Variants in NPAS3 observed in about 807,000 individuals in gnomAD.
NPAS3 encodes neuronal PAS domain protein 3.
A neutral mutation model predicts 73.1 loss-of-function variants in NPAS3; 14 were observed. The observed-to-expected ratio is 0.19, with a 90% CI of 0.13 to 0.30. NPAS3 has a LOEUF of 0.30. NPAS3 is among the 10% of genes least tolerant of loss of function. The pLI, the probability that NPAS3 is intolerant of heterozygous loss-of-function variation, is 1.00. For synonymous variants in NPAS3, 620 were observed against 541.5 expected (o/e 1.14, Z -2.01); for missense variants, 1,096 against 1,250.0 (o/e 0.88, Z 1.86).
intron 3 of NPAS3, among the ~76,000 whole-genome samples, chr14:33,280,927 A>C: frequency 6.6e-6 from 1 of 152,198 alleles, no homozygotes; most frequent in Non-Finnish European, 1.5e-5. Flanking sequence ...AATTTACAAG[A>C]AGTGAAAGTA....
At chr14:32,963,503 G>T (rs2139242763) in intron 1 of NPAS3, among the ~76,000 whole-genome samples, 1 of 152,202 alleles carries the variant, frequency 6.6e-6, no homozygotes, top group Admixed American at 6.5e-5. Context: ...GGAATGGAGT[G>T]GGTATTCCCT....
intron 4 of NPAS3, among the ~76,000 whole-genome samples, chr14:33,554,287 C>T (rs2055253297): frequency 6.6e-6 from 1 of 152,152 alleles, no homozygotes; most frequent in Non-Finnish European, 1.5e-5. Context: ...TGCCGTTGTC[C>T]TAACGGAGTT....
intron 4 of NPAS3, among the ~76,000 whole-genome samples, chr14:33,370,817 C>T (rs1207592087): frequency 2.0e-5 from 3 of 152,132 alleles, no homozygotes; most frequent in African/African-American, 7.2e-5. Flanking sequence ...AGGATTTAAT[C>T]ATCACCACAA....
intron 4 of NPAS3, among the ~76,000 whole-genome samples, chr14:33,511,674 A>G (rs557755518): frequency 4.1e-4 from 62 of 152,186 alleles, no homozygotes; most frequent in African/African-American, 1.5e-3. Context: ...TAGGCAGTGA[A>G]CTCTGCCAAG....
chr14:33,782,500 G>A (rs547320956), intron 9 of NPAS3, among the ~76,000 whole-genome samples: 4 of 152,144 alleles, frequency 2.6e-5, no homozygotes, highest in African/African-American at 4.8e-5. Context: ...AATTTGTCTC[G>A]AGATATCCCT....
intron 3 of NPAS3, among the ~76,000 whole-genome samples, chr14:33,359,847 C>A (rs894523047): frequency 6.6e-6 from 1 of 152,154 alleles, no homozygotes; most frequent in African/African-American, 2.4e-5. Context: ...GGGCTTAATT[C>A]GTGAGCGACA....
chr14:33,110,506 A>G (rs979717701), intron 2 of NPAS3, among the ~76,000 whole-genome samples: 7 of 152,226 alleles, frequency 4.6e-5, no homozygotes, highest in Admixed American at 1.3e-4. Flanking sequence ...CTGTTTTACT[A>G]ACTTTTTGAA....
rs1419078888 is a variant in NPAS3 at position 33,314,371 on chromosome 14, A to G, written c.386-52815A>G. ...AGCTTTCATAGGAGCTACACAGACT[A>G]GGTATGTGACCTTGAGTGACTTAGC... On this transcript the variant is annotated intron_variant, in intron 3 of 11. Transcript: ENST00000356141. Among the ~76,000 whole-genome samples the G allele has an allele frequency of 3.9e-5, 6 of 152,056 alleles. No homozygotes were observed. In the East Asian group the frequency reaches 9.7e-4, roughly 24 times the overall value.
intron 2 of NPAS3, among the ~76,000 whole-genome samples, chr14:33,121,464 A>G (rs1157847727): frequency 6.6e-6 from 1 of 152,158 alleles, no homozygotes; most frequent in Non-Finnish European, 1.5e-5. Flanking sequence ...CCTTGAAGGC[A>G]TGACTCTTGT....
At chr14:33,122,769 G>A (rs763444976) in intron 2 of NPAS3, among the ~76,000 whole-genome samples, 7 of 152,116 alleles carry the variant, frequency 4.6e-5, no homozygotes, top group African/African-American at 1.7e-4. Context: ...GACTGAGATG[G>A]TTAAGGGGTC....
chr14:33,610,274 C>T (rs1473983772), intron 5 of NPAS3, among the ~76,000 whole-genome samples: 1 of 152,178 alleles, frequency 6.6e-6, no homozygotes, highest in African/African-American at 2.4e-5. Context: ...GGCAGAAAGT[C>T]AACTATGCCT....
At chr14:33,123,505 G>A (rs1276827482) in intron 2 of NPAS3, among the ~76,000 whole-genome samples, 1 of 152,126 alleles carries the variant, frequency 6.6e-6, no homozygotes, top group Non-Finnish European at 1.5e-5. Flanking sequence ...TGAAGTGGGT[G>A]GGGGCAGGGA....
intron 2 of NPAS3, among the ~76,000 whole-genome samples, chr14:33,070,721 G>A (rs1366133634): frequency 6.6e-6 from 1 of 152,160 alleles, no homozygotes; most frequent in Non-Finnish European, 1.5e-5. Context: ...CTACACATGG[G>A]CCTGTATTCA....
intron 1 of NPAS3, among the ~76,000 whole-genome samples, chr14:32,943,117 A>G (rs151093801): frequency 7.6e-4 from 116 of 152,298 alleles, no homozygotes; most frequent in Non-Finnish European, 1.4e-3. Context: ...GCCAATCACT[A>G]GATTTGATTC....
At chr14:33,793,437 C>A (rs1401275234) in intron 9 of NPAS3, among the ~76,000 whole-genome samples, 1 of 152,166 alleles carries the variant, frequency 6.6e-6, no homozygotes, top group East Asian at 1.9e-4. Context: ...ATTGCTCACA[C>A]GGAGGAGAAA....
chr14:33,327,882 C>CCATT (rs1245071078), intron 3 of NPAS3, among the ~76,000 whole-genome samples: 1 of 152,088 alleles, frequency 6.6e-6, no homozygotes, highest in African/African-American at 2.4e-5. Context: ...AAGATACCAC[C>CCATT]CATTGTTTTA....
chr14:33,719,917 T>A (rs956646824), intron 6 of NPAS3, among the ~76,000 whole-genome samples: 4 of 152,160 alleles, frequency 2.6e-5, no homozygotes, highest in Admixed American at 2.6e-4. Context: ...TGTCGGGGCA[T>A]CATTGGCAGA....
chr14:33,372,335 G>GTC (rs2140440213), intron 4 of NPAS3, among the ~76,000 whole-genome samples: 1 of 152,302 alleles, frequency 6.6e-6, no homozygotes, highest in African/African-American at 2.4e-5. Flanking sequence ...TATGTAATGT[G>GTC]TCTCTGCTGT....
At chr14:33,213,579 G>A (rs1234997044) in intron 2 of NPAS3, 4 of 152,128 alleles carry the variant, frequency 2.6e-5, no homozygotes, top group African/African-American at 9.7e-5. Flanking sequence ...ATGGAGGCTG[G>A]CCCAGATATT....
Sources: allele counts gnomAD v4.1 joint callset (sites outside exome capture counted in the v4.1 genomes callset), GRCh38; gene constraint gnomAD v4.1.1; transcripts MANE v1.5; gene names NCBI Gene and HGNC (gene_info 2026-07-23, HGNC 2026-07-21).